Variants in ALPK3 observed in about 807,000 individuals in gnomAD.
The protein encoded by ALPK3 is alpha-protein kinase 3.
In ALPK3, 102 loss-of-function variants were observed where a neutral mutation model predicts 140.0. The observed-to-expected ratio is 0.73, with a 90% CI of 0.62 to 0.86. The LOEUF (loss-of-function observed/expected upper bound fraction) is 0.86. Among genes scored for constraint, ALPK3 ranks in the 40% least tolerant of loss-of-function variants. The pLI, the probability that ALPK3 is intolerant of heterozygous loss-of-function variation, is 0.00. For missense variants in ALPK3, 2,254 were observed against 2,208.2 expected (o/e 1.02, Z -0.42); for synonymous variants, 938 against 898.5 (o/e 1.04, Z -0.79).
In ALPK3 at chr15:84,858,054, T is replaced by G; in HGVS notation, c.3316T>G (p.Ser1106Ala). The change falls in exon 6 of 14, where the codon TCT becomes GCT. Residue 1106 changes from serine (S) to alanine (A), a missense_variant. Coordinates refer to ENST00000258888, the MANE Select transcript of ALPK3 (RefSeq NM_020778.5). ...TGAGGGGCCTGGCCTCCTGGGGGCCTCTCAGGAGAGCAGCATGGCTGGTCG... is the reference window on the plus strand; with the variant it reads ...TGAGGGGCCTGGCCTCCTGGGGGCCGCTCAGGAGAGCAGCATGGCTGGTCG... ...SPEGPGLLGASQESSMAGRLG... is the reference protein window; with the variant it reads ...SPEGPGLLGAAQESSMAGRLG... 1 of 1,570,536 alleles carries G rather than the reference T, an allele frequency of 6.4e-7. No homozygotes were observed. The highest frequency in any genetic ancestry group is 8.6e-7 in the Non-Finnish European group (1 of 1,161,148).
chr15:84,861,329 T>C (rs866883679), intron 9 of ALPK3, among the ~76,000 whole-genome samples: 3 of 152,370 alleles, frequency 2.0e-5, no homozygotes, highest in Middle Eastern at 3.4e-3. Context: ...AAATTGGTAA[T>C]CAGATTTAGA....
At position 84,859,352 on chromosome 15, in the gene ALPK3, G is replaced by A. The variant is rs1963911372; in HGVS notation, c.3927G>A (p.Trp1309Ter). ...FNILSDSVLT[W>*]AKDQRPVGEV... ...TTCTTAGTGACTCAGTCTTGACATG[G>A]GCCAAGGATCAGCGCCCAGTGGGCG... is the stretch of plus-strand genomic sequence containing the variant. Residue 1309 changes from tryptophan to a stop codon, truncating the protein, a stop_gained, in exon 7 of 14, where the codon TGG (tryptophan) becomes TGA (stop). Transcript: ENST00000258888. LOFTEE classifies it high-confidence loss of function. 6.2e-7 allele frequency: 1 copy of A among 1,614,138 alleles called. No homozygotes were observed. The highest frequency in any genetic ancestry group is 8.5e-7 in the Non-Finnish European group (1 of 1,180,008).
At chr15:84,833,584 TCTTC>T (rs1470591238) in intron 3 of ALPK3, among the ~76,000 whole-genome samples, 4 of 152,210 alleles carry the variant, frequency 2.6e-5, no homozygotes, top group Non-Finnish European at 5.9e-5. Flanking sequence ...ATACGTGCAC[TCTTC>T]CTTCCTCACT....
intron 13 of ALPK3, 73 bp from the exon 14 acceptor site, chr15:84,868,038 C>T (rs1388969957): frequency 9.5e-6 from 14 of 1,472,150 alleles, no homozygotes; most frequent in African/African-American, 2.8e-5. Context: ...ATGATGGCCA[C>T]CCCAGAGTCC....
chr15:84,843,376 G>A (rs1195665421), intron 5 of ALPK3, among the ~76,000 whole-genome samples: 1 of 152,182 alleles, frequency 6.6e-6, no homozygotes. Flanking sequence ...GCTGAGGCAG[G>A]AGAATTGCTA....
intron 11 of ALPK3, 24 bp downstream of exon 11, chr15:84,863,664 T>G: frequency 3.1e-6 from 5 of 1,608,144 alleles, no homozygotes; most frequent in Non-Finnish European, 4.3e-6. Context: ...GAGGAGGACG[T>G]GCAGTGTGCA....
chr15:84,843,306 A>C (rs552076925), intron 5 of ALPK3, among the ~76,000 whole-genome samples: 5 of 152,318 alleles, frequency 3.3e-5, no homozygotes, highest in African/African-American at 1.2e-4. Flanking sequence ...ATCTTTACTA[A>C]AAATACAAAA....
At position 84,864,326 on chromosome 15, in the gene ALPK3, G is replaced by A. The variant is rs1427736293; in HGVS notation, c.4500-116G>A. ...TTTGCTGTCCTTTGGGCTCGGAGCT[G>A]AGAATTACATTCTTGGAAGGGCCCT... On this transcript the variant is annotated intron_variant, in intron 11 of 13. Transcript: ENST00000258888. 3.6e-6 allele frequency: 4 copies of A among 1,106,556 alleles called. No individual in the cohort carries two copies. The African/African-American group carries it at 6.3e-5, about 17-fold the overall frequency. The allele number at this position is 1,106,556 out of a possible 1,614,324, so 68.5% of individuals were successfully genotyped here.
Position 84,858,085 on chromosome 15 carries a change from G to C in ALPK3, c.3347G>C (p.Gly1116Ala). The change falls in exon 6 of 14, where the codon GGG (glycine) becomes GCG (alanine). Residue 1116 changes from glycine (G) to alanine (A), a missense_variant. This residue lies in a region of ALPK3 where 2,088 missense variants were observed against 2,022.9 expected (regional missense o/e 1.03). Coordinates refer to ENST00000258888, the MANE Select transcript of ALPK3 (RefSeq NM_020778.5). The stretch of plus-strand genomic sequence containing the variant: ...GAGAGCAGCATGGCTGGTCGACTGG[G>C]GGAGGCGGGTGGGCAGGCAGCCCCT... ...SQESSMAGRLGEAGGQAAPGQ... is the reference protein window; with the variant it reads ...SQESSMAGRLAEAGGQAAPGQ... 1.3e-6 allele frequency: 2 copies of C among 1,568,874 alleles called. No individual in the cohort carries two copies. Among genetic ancestry groups the C allele is most frequent in the Admixed American group, 1.9e-5 (1 of 52,516 alleles).
At chr15:84,867,503 A>G in intron 13 of ALPK3, 138 bp downstream of exon 13, 1 of 955,894 alleles carries the variant, frequency 1.0e-6, no homozygotes, top group South Asian at 1.4e-5. Context: ...GCCATGTGGT[A>G]ACATCCTAGG....
intron 5 of ALPK3, among the ~76,000 whole-genome samples, chr15:84,852,188 C>T (rs960088459): frequency 2.0e-5 from 3 of 152,156 alleles, no homozygotes; most frequent in Admixed American, 1.3e-4. Flanking sequence ...ATGCCAGTAT[C>T]ACTACTCTTG....
chr15:84,835,874 G>A (rs1369540659), intron 3 of ALPK3, among the ~76,000 whole-genome samples: 1 of 152,208 alleles, frequency 6.6e-6, no homozygotes, highest in Non-Finnish European at 1.5e-5. Flanking sequence ...TTTGATGAGT[G>A]TTGATTCCAT....
chr15:84,818,436 C>T (rs1963386525), intron 1 of ALPK3, among the ~76,000 whole-genome samples: 1 of 152,268 alleles, frequency 6.6e-6, no homozygotes, highest in Non-Finnish European at 1.5e-5. Flanking sequence ...CAGACACTTC[C>T]TGCCCCCTGT....
At position 84,862,683 on chromosome 15, in the gene ALPK3, C is replaced by G; in HGVS notation, c.4178C>G (p.Ala1393Gly). 1 of 1,614,130 alleles carries G rather than the reference C, an allele frequency of 6.2e-7. No homozygotes were observed. Among genetic ancestry groups the G allele is most frequent in the Non-Finnish European group, 8.5e-7 (1 of 1,180,020 alleles). ...MTPMVFAKGL[A>G]DSGCWGDKLF... ...CCTATGGTGTTTGCTAAGGGTCTGG[C>G]TGACTCTGGCTGCTGGGGGGACAAG... The change falls in exon 10 of 14, where the codon GCT becomes GGT. Residue 1393 changes from alanine (A) to glycine (G), a missense_variant. Physicochemically the swap from Ala to Gly is moderately conservative, Grantham distance 60. Around this residue, in one of 3 missense-constraint regions of ALPK3, gnomAD observed 2,088 missense variants for 2,022.9 expected, o/e 1.03. Transcript: ENST00000258888.
rs1345151886 is a variant in ALPK3, at chr15:84,857,895, C to T, written c.3157C>T (p.Gln1053Ter). The T allele has an allele frequency of 6.2e-7, 1 of 1,612,258 alleles. No homozygotes were observed. Among genetic ancestry groups the T allele is most frequent in the South Asian group, 1.1e-5 (1 of 90,944 alleles). ...LLDREVQAGR[Q>*]ALAAARGSWG... ...GGACCGTGAGGTGCAGGCTGGCCGC[C>T]AGGCCCTTGCTGCTGCCCGAGGCTC... Residue 1053 changes from glutamine to a stop codon, truncating the protein, a stop_gained, in exon 6 of 14, where the codon CAG becomes TAG. Coordinates refer to ENST00000258888, the MANE Select transcript of ALPK3 (RefSeq NM_020778.5). LOFTEE classifies it high-confidence loss of function.
In ALPK3 at chr15:84,821,280, C is replaced by T. The variant is rs571832148; in HGVS notation, c.144-2050C>T. On this transcript the variant is annotated intron_variant, in intron 1 of 13. Coordinates refer to ENST00000258888, the MANE Select transcript of ALPK3 (RefSeq NM_020778.5). ...ATGTAAGGGCGAGGCCTAGAGAGGG[C>T]AGGGCGGTTGGTCCAGGAGCAGCAG... Among the ~76,000 whole-genome samples the T allele has an allele frequency of 3.9e-5, 6 of 152,292 alleles. No individual in the cohort carries two copies. The East Asian group carries it at 1.2e-3, about 29-fold the overall frequency.
At position 84,859,406 on chromosome 15, in the gene ALPK3, C is replaced by T; in HGVS notation, c.3965+16C>T. 1 of 1,613,560 alleles carries T rather than the reference C, an allele frequency of 6.2e-7. No individual in the cohort carries two copies. The highest frequency in any genetic ancestry group is 8.5e-7 in the Non-Finnish European group (1 of 1,179,712). ...TGGGCAGGAGGTAAGCCAACGACAC[C>T]ACTGCCACCTGACCTGGCTCCCTGA... is the stretch of plus-strand genomic sequence containing the variant. On this transcript the variant is annotated intron_variant, in intron 7 of 13. Transcript: ENST00000258888.
intron 3 of ALPK3, among the ~76,000 whole-genome samples, chr15:84,837,310 G>A (rs1415381843): frequency 6.6e-6 from 1 of 152,252 alleles, no homozygotes; most frequent in Non-Finnish European, 1.5e-5. Flanking sequence ...TGATGCAGGA[G>A]CGAGCAGGAA....
chr15:84,831,817 G>T (rs1024738323), intron 3 of ALPK3, among the ~76,000 whole-genome samples: 2 of 152,200 alleles, frequency 1.3e-5, no homozygotes, highest in African/African-American at 4.8e-5. Context: ...GGGTGACCTA[G>T]GTAGCCACTG....
Sources: gnomAD v4.1 joint callset for allele counts (sites outside exome capture counted in the v4.1 genomes callset) on GRCh38, gnomAD v4.1.1 for gene constraint, gnomAD v4.1.1 regional missense constraint, MANE v1.5 for transcripts, NCBI Gene and HGNC (gene_info 2026-07-23, HGNC 2026-07-21) for gene names.